The following LRP1B variants were observed in gnomAD, a reference collection of about 807,000 sequenced individuals.
LRP1B encodes LDL receptor related protein 1B.
Under a neutral mutation model 556.6 loss-of-function variants are expected in LRP1B, and 217 were observed. The observed-to-expected ratio is 0.39, with a 90% CI of 0.35 to 0.44. LRP1B has a LOEUF of 0.44. LRP1B is among the 20% of genes least tolerant of loss of function. The pLI, the probability that LRP1B is intolerant of heterozygous loss-of-function variation, is 1.00. For missense variants in LRP1B, 5,053 were observed against 5,620.8 expected, an observed-to-expected ratio of 0.90 and a Z score of 3.23; for synonymous variants, 2,047 against 1,865.8, an observed-to-expected ratio of 1.10 and a Z score of -2.50.
chr2:141,496,963 C>G (rs1448958636), intron 2 of LRP1B, among the ~76,000 whole-genome samples: 1 of 151,930 alleles, frequency 6.6e-6, no homozygotes, highest in Non-Finnish European at 1.5e-5. Context: ...TCATATCTGA[C>G]AGCTCGGTTC....
chr2:141,500,543 G>T (rs1247744516), intron 2 of LRP1B, among the ~76,000 whole-genome samples: 2 of 152,076 alleles, frequency 1.3e-5, no homozygotes, highest in African/African-American at 2.4e-5. Flanking sequence ...GAAATAAAAT[G>T]GATGGAGTCT....
chr2:141,792,925 T>C (rs897183330), intron 2 of LRP1B, among the ~76,000 whole-genome samples: 2 of 152,022 alleles, frequency 1.3e-5, no homozygotes, highest in Non-Finnish European at 2.9e-5. Flanking sequence ...AATATGTCTT[T>C]CATAGGCAGT....
chr2:141,242,572 G>A (rs947578301), intron 5 of LRP1B, among the ~76,000 whole-genome samples: 2 of 151,838 alleles, frequency 1.3e-5, no homozygotes, highest in African/African-American at 4.8e-5. Flanking sequence ...TCAATGAACT[G>A]CAAATATAAG....
At chr2:140,850,694 T>G (rs1195323627) in intron 28 of LRP1B, among the ~76,000 whole-genome samples, 1 of 152,164 alleles carries the variant, frequency 6.6e-6, no homozygotes, top group East Asian at 1.9e-4. Context: ...TTACAAGATT[T>G]TGAGGGAATC....
At chr2:141,040,036 A>G (rs941183292) in intron 11 of LRP1B, among the ~76,000 whole-genome samples, 2 of 152,108 alleles carry the variant, frequency 1.3e-5, no homozygotes, top group African/African-American at 4.8e-5. Context: ...CTTGACACTC[A>G]GTGTGATAAC....
In LRP1B at chr2:140,343,377, G is replaced by T. The variant is rs1051052191; in HGVS notation, c.11892+7420C>A. ...TTAAGTGCGAATACTCTTTAATCTC[G>T]CATTTTCACTTCATAAAATGCCTGG... On this transcript the variant is annotated intron_variant, in intron 77 of 90. Coordinates refer to ENST00000389484, the MANE Select transcript of LRP1B (RefSeq NM_018557.3). Among the ~76,000 whole-genome samples the T allele has an allele frequency of 2.0e-5, 3 of 151,322 alleles. No homozygotes were observed. In the East Asian group the frequency reaches 5.9e-4, roughly 30 times the overall value.
intron 3 of LRP1B, among the ~76,000 whole-genome samples, chr2:141,383,525 T>A (rs1396208400): frequency 6.6e-6 from 1 of 152,192 alleles, no homozygotes; most frequent in Non-Finnish European, 1.5e-5. Flanking sequence ...CAATTTATGA[T>A]GTGATTATGT....
intron 7 of LRP1B, among the ~76,000 whole-genome samples, chr2:141,110,256 T>C (rs529951095): frequency 8.6e-5 from 13 of 151,068 alleles, no homozygotes; most frequent in Admixed American, 6.6e-4. Context: ...TTTAATTTTA[T>C]ATCTTTCTAA....
intron 2 of LRP1B, among the ~76,000 whole-genome samples, chr2:141,762,789 A>T (rs1694604529): frequency 6.6e-6 from 1 of 152,196 alleles, no homozygotes; most frequent in Admixed American, 6.5e-5. Context: ...AATTCAGCTA[A>T]TGGGACATAT....
intron 66 of LRP1B, 53 bp from the exon 67 acceptor site, chr2:140,386,062 T>A: frequency 9.0e-7 from 1 of 1,104,988 alleles, no homozygotes; most frequent in Non-Finnish European, 1.4e-6. Context: ...AAGACATCCC[T>A]CACAACGTCC....
chr2:140,744,923 T>C (rs1442313983), intron 35 of LRP1B, among the ~76,000 whole-genome samples: 2 of 152,294 alleles, frequency 1.3e-5, no homozygotes. Flanking sequence ...ATACAGTAGG[T>C]GCTCACTATT....
intron 3 of LRP1B, among the ~76,000 whole-genome samples, chr2:141,316,999 T>C (rs1358334370): frequency 6.6e-6 from 1 of 151,982 alleles, no homozygotes; most frequent in Non-Finnish European, 1.5e-5. Context: ...AATTGTAGAG[T>C]TTATAAAGAG....
chr2:141,272,929 A>G (rs1685141062), intron 3 of LRP1B, among the ~76,000 whole-genome samples: 2 of 152,234 alleles, frequency 1.3e-5, no homozygotes, highest in Admixed American at 1.3e-4. Context: ...GTAGATCAAC[A>G]AAGAATAGAA....
chr2:141,861,344 A>G (rs186278501), intron 1 of LRP1B, among the ~76,000 whole-genome samples: 2 of 152,212 alleles, frequency 1.3e-5, no homozygotes, highest in African/African-American at 4.8e-5. Context: ...TATTCACCAA[A>G]TGGAACTGAT....
In LRP1B at chr2:140,644,668, C is replaced by A. The variant is rs946686397; in HGVS notation, c.6800-43029G>T. 5.3e-5 allele frequency among the ~76,000 whole-genome samples: 8 copies of A among 152,078 alleles called. 1 individual carries two copies. Among genetic ancestry groups the A allele is most frequent in the Admixed American group, 5.2e-4 (8 of 15,274 alleles). ...GCTCAATCCATCTGCCCACTTCAGC[C>A]TCCCAAAAAGCTGGGATTACAGGTA... On this transcript the variant is annotated intron_variant, in intron 41 of 90. Coordinates refer to ENST00000389484, the MANE Select transcript of LRP1B (RefSeq NM_018557.3).
intron 4 of LRP1B, among the ~76,000 whole-genome samples, chr2:141,248,641 GGAAA>G (rs1278318284): frequency 1.3e-5 from 2 of 152,080 alleles, no homozygotes; most frequent in Non-Finnish European, 2.9e-5. Flanking sequence ...GATGAAACTG[GGAAA>G]GTACTTTGGG....
intron 1 of LRP1B, among the ~76,000 whole-genome samples, chr2:142,108,428 CA>C (rs1706837115): frequency 1.3e-5 from 2 of 150,776 alleles, no homozygotes; most frequent in African/African-American, 4.9e-5. Context: ...AATAGATGTT[CA>C]ATAAAAAAAC....
intron 2 of LRP1B, among the ~76,000 whole-genome samples, chr2:141,737,885 T>C (rs932449931): frequency 6.6e-6 from 1 of 152,178 alleles, no homozygotes; most frequent in Non-Finnish European, 1.5e-5. Flanking sequence ...TTAGTTTCCA[T>C]AGAAGCCCTA....
intron 2 of LRP1B, among the ~76,000 whole-genome samples, chr2:141,715,361 C>T (rs1036939172): frequency 6.6e-6 from 1 of 152,040 alleles, no homozygotes; most frequent in African/African-American, 2.4e-5. Flanking sequence ...GTTCCAGCTA[C>T]TCAGGAGGCC....
Sources: gnomAD v4.1 joint callset for allele counts (sites outside exome capture counted in the v4.1 genomes callset) on GRCh38, gnomAD v4.1.1 for gene constraint, MANE v1.5 for transcripts, NCBI Gene and HGNC (gene_info 2026-07-23, HGNC 2026-07-21) for gene names.